The following SDK2 variants were observed in gnomAD, a reference collection of about 807,000 sequenced individuals.
The protein encoded by SDK2 is sidekick cell adhesion molecule 2.
In SDK2, 105 loss-of-function variants were observed where a neutral mutation model predicts 253.9. The observed-to-expected ratio is 0.41, with a 90% CI of 0.35 to 0.49. The LOEUF (loss-of-function observed/expected upper bound fraction) is 0.49, where lower values mean the gene tolerates loss of function less well. SDK2 is among the 20% of genes least tolerant of loss of function. The pLI is 0.06. For missense variants in SDK2, 2,608 were observed against 3,003.0 expected, an observed-to-expected ratio of 0.87 and a Z score of 3.07; for synonymous variants, 1,249 against 1,234.9, an observed-to-expected ratio of 1.01 and a Z score of -0.24.
chr17:73,383,885 C>T lies in SDK2; in HGVS notation c.4696G>A (p.Glu1566Lys). The T allele has an allele frequency of 6.2e-7, 1 of 1,614,004 alleles. No homozygotes were observed. Among genetic ancestry groups the T allele is most frequent in the Non-Finnish European group, 8.5e-7 (1 of 1,179,880 alleles). Residue 1566 changes from glutamate to lysine, a missense_variant, in exon 33 of 45, where the codon GAG becomes AAG. By Grantham distance (56) the Glu-to-Lys change is moderately conservative (BLOSUM62 1). Transcript: ENST00000392650. This position sits in a 1 kb window ranked among gnomAD's most constrained non-coding sequence, Gnocchi z 4.3. The part of the protein sequence containing the change: ...GINNPGATWA[E>K]LTSMYSMRNL... The stretch of plus-strand genomic sequence containing the variant: ...CCCAAGTGTCACTCACAGGTAAGCT[C>T]AGCCCATGTGGCCCCTGGGTTGTTG...
At position 73,643,957 on chromosome 17, in the gene SDK2, T is replaced by TCCCCCCCCCCCAC; in HGVS notation, c.64+67_64+68insGTGGGGGGGGGGG. 1 of 1,019,998 alleles carries TCCCCCCCCCCCAC rather than the reference T, an allele frequency of 9.8e-7. No individual in the cohort carries two copies. The highest frequency in any genetic ancestry group is 1.5e-6 in the Non-Finnish European group (1 of 674,882). The allele number at this position is 1,019,998 out of a possible 1,614,324, so 63.2% of individuals were successfully genotyped here. A position where few individuals can be genotyped will look rare whatever the true frequency, so the allele number is the denominator to read the frequency against. On this transcript the variant is annotated intron_variant, in intron 1 of 44. Transcript: ENST00000392650. The surrounding 1 kb of genome is among the most constrained non-coding windows in gnomAD (Gnocchi z 6.9). ...GGAGGTCACCGTGAGGCCGGCCAGC[T>TCCCCCCCCCCCAC]CCCGCCGCCCCTCCCCCGCCCACTC...
At chr17:73,414,402 T>A (rs184722576) in intron 18 of SDK2, among the ~76,000 whole-genome samples, 6 of 152,188 alleles carry the variant, frequency 3.9e-5, no homozygotes, top group Non-Finnish European at 8.8e-5. Flanking sequence ...TATAACCCAG[T>A]CTCGCTGGGA....
chr17:73,611,998 T>A (rs790093), intron 1 of SDK2, among the ~76,000 whole-genome samples: 2,707 of 152,178 alleles, frequency 0.018, 83 homozygotes, highest in African/African-American at 0.06. Flanking sequence ...ACACTTTCCC[T>A]GTCTCAGGAG....
At chr17:73,499,185 G>A (rs888197961) in intron 2 of SDK2, among the ~76,000 whole-genome samples, 6 of 152,218 alleles carry the variant, frequency 3.9e-5, no homozygotes, top group East Asian at 3.9e-4. Flanking sequence ...AGATAAAGCC[G>A]CTGGCCTGGG....
chr17:73,383,891 AT>A lies in SDK2; in HGVS notation c.4689del (p.Trp1564GlyfsTer13). 6.2e-7 allele frequency: 1 copy of A among 1,613,966 alleles called. No homozygotes were observed. On this transcript the variant is annotated frameshift_variant, in exon 33 of 45. Coordinates refer to ENST00000392650, the MANE Select transcript of SDK2 (RefSeq NM_001144952.2). LOFTEE classifies it high-confidence loss of function. This position sits in a 1 kb window ranked among gnomAD's most constrained non-coding sequence, Gnocchi z 4.3. ...TGTCACTCACAGGTAAGCTCAGCCC[AT>A]GTGGCCCCTGGGTTGTTGATGCCTC... ...TLRGINNPGA[T>X]WAELTSMYSM...
intron 18 of SDK2, among the ~76,000 whole-genome samples, chr17:73,402,603 G>A (rs770146810): frequency 1.3e-5 from 2 of 151,954 alleles, no homozygotes; most frequent in African/African-American, 2.4e-5. Flanking sequence ...CCATGAAGCC[G>A]GCCCTGTATT....
At position 73,415,929 on chromosome 17, in the gene SDK2, G is replaced by T. The variant is rs762236775; in HGVS notation, c.2250C>A (p.Asn750Lys). The T allele has an allele frequency of 1.2e-6, 2 of 1,610,736 alleles. No individual in the cohort carries two copies. Among genetic ancestry groups the T allele is most frequent in the East Asian group, 4.5e-5 (2 of 44,788 alleles). ...TGATGAGATCCTCCAGCAGCAGGTT[G>T]TTCACATCAGCATCCGTGATGTTCT... Reference protein sequence around the residue: ...QFKNITDADVNNLLLEDLIIW... With the variant: ...QFKNITDADVKNLLLEDLIIW... The change falls in exon 17 of 45, where the codon AAC (asparagine) becomes AAA (lysine). Residue 750 changes from asparagine to lysine, a missense_variant. This residue lies in a region of SDK2 where 1,505 missense variants were observed against 1,859.1 expected (regional missense o/e 0.81). Coordinates refer to ENST00000392650, the MANE Select transcript of SDK2 (RefSeq NM_001144952.2).
At chr17:73,414,796 G>A in intron 17 of SDK2, 37 bp from the exon 18 acceptor site, 1 of 1,311,882 alleles carries the variant, frequency 7.6e-7, no homozygotes, top group Non-Finnish European at 1.1e-6. Context: ...GGTGGAGGGG[G>A]CCCAGTCAGT....
At chr17:73,385,783 T>G (rs564615702) in intron 32 of SDK2, 64 bp downstream of exon 32, 1 of 1,463,100 alleles carries the variant, frequency 6.8e-7, no homozygotes, top group Non-Finnish European at 9.4e-7. Context: ...GACTGCTGGC[T>G]TTCCAGTCCC....
chr17:73,427,964 T>A (rs1205494222), intron 12 of SDK2, among the ~76,000 whole-genome samples: 1 of 152,200 alleles, frequency 6.6e-6, no homozygotes, highest in Non-Finnish European at 1.5e-5. Context: ...GATAAAGCAC[T>A]GCTATCCAAA....
intron 8 of SDK2, among the ~76,000 whole-genome samples, chr17:73,436,109 C>T (rs2063366174): frequency 6.6e-6 from 1 of 152,166 alleles, no homozygotes; most frequent in Admixed American, 6.5e-5. Flanking sequence ...GCTCTGGGAA[C>T]CTCCAAGTGG....
chr17:73,588,197 A>ACCCCCCCCC (rs57740393), intron 1 of SDK2, among the ~76,000 whole-genome samples: 10 of 130,858 alleles, frequency 7.6e-5, no homozygotes, highest in African/African-American at 1.1e-4. Context: ...ACATGGAGAG[A>ACCCCCCCCC]CCCCCCCCCC....
chr17:73,383,779 G>T lies in SDK2; in HGVS notation c.4705+97C>A, dbSNP rs1446527178. 3 of 1,495,048 alleles carry T rather than the reference G, an allele frequency of 2.0e-6. No homozygotes were observed. The African/African-American group carries it at 4.1e-5, about 21-fold the overall frequency. 92.6% of individuals were successfully genotyped at this position (1,495,048 alleles called of 1,614,324 possible). A position where few individuals can be genotyped will look rare whatever the true frequency, so the allele number is the denominator to read the frequency against. ...ATGGAGGAGGGAGGCAAGGTTTCAG[G>T]TTAGAGTGGTTCCAGGAAGCTGAGA... On this transcript the variant is annotated intron_variant, in intron 33 of 44. Coordinates refer to ENST00000392650, the MANE Select transcript of SDK2 (RefSeq NM_001144952.2). The surrounding 1 kb of genome is among the most constrained non-coding windows in gnomAD (Gnocchi z 4.3).
chr17:73,399,248 C>T lies in SDK2; in HGVS notation c.3013G>A (p.Gly1005Ser), dbSNP rs200065270. The change falls in exon 22 of 45, where the codon GGC (glycine) becomes AGC (serine). Residue 1005 changes from glycine to serine, a missense_variant. Gly to Ser is a moderately conservative substitution (Grantham distance 56, BLOSUM62 0). Transcript: ENST00000392650. ...PPTNLGISNI[G>S]PRSVTLQFRP... ...AACTGCAAGGTCACAGAGCGGGGGCCGATGTTGGAAATGCCCAGGTTGGTG... is the reference window on the plus strand; with the variant it reads ...AACTGCAAGGTCACAGAGCGGGGGCTGATGTTGGAAATGCCCAGGTTGGTG... 5.3e-4 allele frequency: 856 copies of T among 1,613,596 alleles called. 1 individual carries two copies. The highest frequency in any genetic ancestry group is 6.9e-4 in the Non-Finnish European group (813 of 1,179,770).
chr17:73,464,008 T>C (rs144840480), intron 3 of SDK2, among the ~76,000 whole-genome samples: 193 of 152,338 alleles, frequency 1.3e-3, no homozygotes, highest in African/African-American at 4.5e-3. Context: ...CACTTGGTGT[T>C]GTTAGACTGT....
Position 73,399,069 on chromosome 17 carries a change from A to G in SDK2, c.3093+99T>C, listed in dbSNP as rs2062997673. 5.6e-6 allele frequency: 7 copies of G among 1,255,926 alleles called. No individual in the cohort carries two copies. The South Asian group carries it at 6.7e-5, about 12-fold the overall frequency. The allele number at this position is 1,255,926 out of a possible 1,614,324, so 77.8% of individuals were successfully genotyped here. ...TATAATGGGCCATTGAGAGCTGCAC[A>G]TGAAAATTCACACAGGCCGAAATAC... On this transcript the variant is annotated intron_variant, in intron 22 of 44. Coordinates refer to ENST00000392650, the MANE Select transcript of SDK2 (RefSeq NM_001144952.2).
chr17:73,409,132 A>G (rs753343471), intron 18 of SDK2, among the ~76,000 whole-genome samples: 83 of 152,272 alleles, frequency 5.5e-4, no homozygotes, highest in Non-Finnish European at 5.9e-5. Context: ...ATGGGGATAC[A>G]GGTGTTCACT....
intron 1 of SDK2, among the ~76,000 whole-genome samples, chr17:73,529,951 A>G (rs550658578): frequency 5.9e-5 from 9 of 152,202 alleles, no homozygotes; most frequent in Non-Finnish European, 1.2e-4. Context: ...AGTGGGAGAG[A>G]TGTCCTTAAT....
chr17:73,575,635 C>A (rs1163303460), intron 1 of SDK2, among the ~76,000 whole-genome samples: 2 of 152,180 alleles, frequency 1.3e-5, no homozygotes, highest in Non-Finnish European at 2.9e-5. Flanking sequence ...CAGGATTAAA[C>A]GAGTTAATAT....
Sources: allele counts gnomAD v4.1 joint callset (sites outside exome capture counted in the v4.1 genomes callset), GRCh38; gene constraint gnomAD v4.1.1; regional missense constraint gnomAD v4.1.1; non-coding constraint Gnocchi (gnomAD v3.1); transcripts MANE v1.5; gene names NCBI Gene and HGNC (gene_info 2026-07-23, HGNC 2026-07-21).